The following EPHX2 variants were observed in gnomAD, a reference collection of about 807,000 sequenced individuals.
EPHX2 encodes epoxide hydrolase 2, also known as bifunctional epoxide hydrolase 2.
A neutral mutation model predicts 78.7 loss-of-function variants in EPHX2; 74 were observed. The observed-to-expected ratio is 0.94, with a 90% CI of 0.78 to 1.14. The LOEUF (loss-of-function observed/expected upper bound fraction) is 1.14. EPHX2 is among the 50% of genes most tolerant of loss of function. EPHX2 has a pLI of 0.00. For missense variants in EPHX2, 715 were observed against 702.5 expected (o/e 1.02, Z -0.20); for synonymous variants, 251 against 255.2 (o/e 0.98, Z 0.16).
chr8:27,513,946 T>C (rs1814347639), intron 6 of EPHX2, among the ~76,000 whole-genome samples: 1 of 152,232 alleles, frequency 6.6e-6, no homozygotes. Flanking sequence ...TGATAAACAC[T>C]GTAGTCTGTG....
intron 10 of EPHX2, 52 bp downstream of exon 10, chr8:27,520,961 G>C: frequency 6.2e-7 from 1 of 1,611,350 alleles, no homozygotes; most frequent in South Asian, 1.1e-5. Context: ...TGGGGCCTGG[G>C]TAATTAAAGA....
chr8:27,529,569 G>T (rs1814961819), intron 12 of EPHX2, among the ~76,000 whole-genome samples: 1 of 152,140 alleles, frequency 6.6e-6, no homozygotes. Flanking sequence ...AGACTGGGTG[G>T]CAGGCACCTG....
chr8:27,544,368 T>C, intron 18 of EPHX2, 76 bp from the exon 19 acceptor site: 1 of 1,596,748 alleles, frequency 6.3e-7, no homozygotes, highest in Admixed American at 1.7e-5. Context: ...CACTCACCTC[T>C]GCCTTCGAGT....
In EPHX2 at chr8:27,543,742, C is replaced by T. The variant is rs1301456923; in HGVS notation, c.1450-7C>T. 6.2e-7 allele frequency: 1 copy of T among 1,613,772 alleles called. No individual in the cohort carries two copies. Among genetic ancestry groups the T allele is most frequent in the Non-Finnish European group, 8.5e-7 (1 of 1,179,884 alleles). On this transcript the variant is annotated splice_polypyrimidine_tract_variant and splice_region_variant and intron_variant, in intron 16 of 18. Coordinates refer to ENST00000521400, the MANE Select transcript of EPHX2 (RefSeq NM_001979.6). Reference sequence around the variant, plus strand: ...CTGGCCACTTCTGTTTCCTGTTCTCCCCCCAGATCCTGATTCCGGCCCTGA... The same window carrying T: ...CTGGCCACTTCTGTTTCCTGTTCTCTCCCCAGATCCTGATTCCGGCCCTGA...
chr8:27,510,946 A>C (rs900590741), intron 5 of EPHX2, among the ~76,000 whole-genome samples: 4 of 152,056 alleles, frequency 2.6e-5, no homozygotes, highest in Non-Finnish European at 4.4e-5. Context: ...AGAGACCCCC[A>C]AAAAAGGGAG....
At chr8:27,500,143 G>A (rs756144158) in intron 1 of EPHX2, among the ~76,000 whole-genome samples, 2 of 152,148 alleles carry the variant, frequency 1.3e-5, no homozygotes, top group African/African-American at 2.4e-5. Flanking sequence ...GGAGGGGGTT[G>A]GTGGGAGGTG....
rs911972123 is a variant in EPHX2 at position 27,511,775 on chromosome 8, G to C, written c.661-61G>C. The C allele has an allele frequency of 7.1e-6, 11 of 1,544,996 alleles. No homozygotes were observed. The African/African-American group carries it at 1.2e-4, about 17-fold the overall frequency. On this transcript the variant is annotated intron_variant, in intron 5 of 18. Coordinates refer to ENST00000521400, the MANE Select transcript of EPHX2 (RefSeq NM_001979.6). ...GGCCTCCCCTGGCACCAGTATTCAG[G>C]AGAGCCTCTCACGGAAGGAGGCTGC...
chr8:27,506,609 A>G (rs1814014131), intron 4 of EPHX2, among the ~76,000 whole-genome samples: 1 of 152,142 alleles, frequency 6.6e-6, no homozygotes, highest in South Asian at 2.1e-4. Flanking sequence ...TGATTTTCCC[A>G]GAAGAATTTT....
At chr8:27,528,820 G>C (rs1434048594) in intron 12 of EPHX2, among the ~76,000 whole-genome samples, 1 of 152,142 alleles carries the variant, frequency 6.6e-6, no homozygotes, top group African/African-American at 2.4e-5. Flanking sequence ...ATTTGAGACA[G>C]AGTCTCACTG....
At chr8:27,493,386 G>A (rs1813457542) in intron 1 of EPHX2, among the ~76,000 whole-genome samples, 1 of 152,340 alleles carries the variant, frequency 6.6e-6, no homozygotes, top group South Asian at 2.1e-4. Flanking sequence ...GCAGTGAGGA[G>A]GTCTAGACCT....
chr8:27,544,404 G>A (rs1482131282), intron 18 of EPHX2, 40 bp from the exon 19 acceptor site: 7 of 1,612,318 alleles, frequency 4.3e-6, no homozygotes, highest in Non-Finnish European at 5.9e-6. Context: ...AGACAAGTGT[G>A]AATGGCTATT....
intron 5 of EPHX2, among the ~76,000 whole-genome samples, chr8:27,511,181 G>A (rs1343888228): frequency 2.6e-5 from 4 of 152,200 alleles, no homozygotes; most frequent in Non-Finnish European, 5.9e-5. Flanking sequence ...TTTTGTCATG[G>A]CAGCCACAGC....
chr8:27,505,568 A>G (rs1813972910), intron 4 of EPHX2, among the ~76,000 whole-genome samples: 1 of 152,176 alleles, frequency 6.6e-6, no homozygotes, highest in South Asian at 2.1e-4. Context: ...CTGTCTCCAG[A>G]GATCACCTGT....
chr8:27,518,131 GAAGCTGGGGTA>G, intron 9 of EPHX2, 59 bp downstream of exon 9: 1 of 1,433,182 alleles, frequency 7.0e-7, no homozygotes, highest in Non-Finnish European at 9.6e-7. Flanking sequence ...CTATAAACCC[GAAGCTGGGGTA>G]TCCATTCAAA....
At chr8:27,534,943 T>C (rs749075746) in intron 12 of EPHX2, among the ~76,000 whole-genome samples, 13 of 152,094 alleles carry the variant, frequency 8.5e-5, no homozygotes, top group Non-Finnish European at 1.3e-4. Context: ...GCCAAACTAA[T>C]AGAAGTCCAT....
rs1214390450 is a variant in EPHX2 at position 27,543,662 on chromosome 8, A to G, written c.1450-87A>G. On this transcript the variant is annotated intron_variant, in intron 16 of 18. Coordinates refer to ENST00000521400, the MANE Select transcript of EPHX2 (RefSeq NM_001979.6). ...GCAGATACAACGTCAGGACCACAGC[A>G]GGGTGGCGAGCAGGGGTCTTTCAGA... The G allele has an allele frequency of 3.0e-6, 4 of 1,334,422 alleles. No individual in the cohort carries two copies. The East Asian group carries it at 9.2e-5, about 31-fold the overall frequency. The allele number at this position is 1,334,422 out of a possible 1,614,324, so 82.7% of individuals were successfully genotyped here. A position where few individuals can be genotyped will look rare whatever the true frequency, so the allele number is the denominator to read the frequency against.
intron 1 of EPHX2, among the ~76,000 whole-genome samples, chr8:27,492,679 A>G (rs1479770269): frequency 2.6e-5 from 4 of 152,014 alleles, no homozygotes; most frequent in African/African-American, 7.3e-5. Context: ...TTATTCCCTT[A>G]TTGTCCTCTC....
At chr8:27,546,933 C>T (rs541862945), downstream of EPHX2, among the ~76,000 whole-genome samples, 4 of 152,132 alleles carry the variant, frequency 2.6e-5, no homozygotes, top group Admixed American at 2.0e-4. Context: ...AGAAAACTTA[C>T]AATCATGGCA....
intron 13 of EPHX2, among the ~76,000 whole-genome samples, chr8:27,537,289 A>G (rs1563362321): frequency 6.6e-6 from 1 of 151,996 alleles, no homozygotes; most frequent in Non-Finnish European, 1.5e-5. Context: ...TACTTTCTTT[A>G]CTGATCACTT....
Sources: allele counts gnomAD v4.1 joint callset (sites outside exome capture counted in the v4.1 genomes callset), GRCh38; gene constraint gnomAD v4.1.1; transcripts MANE v1.5; gene names NCBI Gene and HGNC (gene_info 2026-07-23, HGNC 2026-07-21).